Variants in SORCS2 observed in about 807,000 individuals in gnomAD.
The protein encoded by SORCS2 is VPS10 domain-containing receptor SorCS2.
A neutral mutation model predicts 141.6 loss-of-function variants in SORCS2; 100 were observed. The ratio of observed to expected loss-of-function variants is 0.71; its 90% CI spans 0.60 to 0.83. The LOEUF is 0.83. Ranked by LOEUF, SORCS2 falls within the 40% of genes least tolerant of loss-of-function variation. The probability of loss-of-function intolerance (pLI) is 0.00; values close to 1 mark genes in which losing one functional copy is unlikely to be tolerated. For synonymous variants in SORCS2, 789 were observed against 676.9 expected (o/e 1.17, Z -2.57); for missense variants, 1,646 against 1,560.2 (o/e 1.05, Z -0.93).
At chr4:7,307,225 C>A (rs1717892560) in intron 1 of SORCS2, among the ~76,000 whole-genome samples, 2 of 152,228 alleles carry the variant, frequency 1.3e-5, no homozygotes, top group South Asian at 4.1e-4. Flanking sequence ...CAGATAAAGG[C>A]ACTGCTGTGC....
chr4:7,634,679 C>T (rs757186602), intron 3 of SORCS2, among the ~76,000 whole-genome samples: 10 of 152,160 alleles, frequency 6.6e-5, no homozygotes, highest in Non-Finnish European at 1.2e-4. Context: ...ACCCCTCAAG[C>T]GCGGGCTGTG....
At chr4:7,220,179 G>A (rs1444731441) in intron 1 of SORCS2, among the ~76,000 whole-genome samples, 3 of 152,118 alleles carry the variant, frequency 2.0e-5, no homozygotes, top group Middle Eastern at 3.2e-3. Flanking sequence ...TGTGCGAGGC[G>A]GCCCTGCACT....
intron 1 of SORCS2, among the ~76,000 whole-genome samples, chr4:7,375,173 TG>T (rs925701638): frequency 1.3e-5 from 2 of 152,138 alleles, no homozygotes; most frequent in African/African-American, 4.8e-5. Flanking sequence ...CCCCATGAAG[TG>T]GAGCTCCCTA....
Position 7,624,782 on chromosome 4 carries a change from A to C in SORCS2, c.649-13546A>C, listed in dbSNP as rs550457661. 3.9e-5 allele frequency among the ~76,000 whole-genome samples: 6 copies of C among 152,398 alleles called. No homozygotes were observed. The South Asian group carries it at 1.2e-3, about 32-fold the overall frequency. ...GCCGTCTGCTGCACTCTGCCCAAGC[A>C]AACAGGCTTTTTAGCATTGTCTGCA... On this transcript the variant is annotated intron_variant, in intron 3 of 26. Coordinates refer to ENST00000507866, the MANE Select transcript of SORCS2 (RefSeq NM_020777.3).
intron 2 of SORCS2, among the ~76,000 whole-genome samples, chr4:7,402,541 C>T (rs1000848205): frequency 6.6e-6 from 1 of 152,146 alleles, no homozygotes; most frequent in East Asian, 1.9e-4. Context: ...TTTATGTATT[C>T]CCCTGCTGTG....
chr4:7,690,078 GGATA>G (rs1366968410), intron 11 of SORCS2, among the ~76,000 whole-genome samples: 1 of 141,784 alleles, frequency 7.1e-6, no homozygotes, highest in East Asian at 2.0e-4. Context: ...ATAGATGAAT[GGATA>G]GATAGATGAA....
At chr4:7,235,512 C>A (rs186577517) in intron 1 of SORCS2, among the ~76,000 whole-genome samples, 4 of 152,218 alleles carry the variant, frequency 2.6e-5, no homozygotes, top group Non-Finnish European at 4.4e-5. Flanking sequence ...CAGGTTTCTG[C>A]GACTGCAGAG....
intron 1 of SORCS2, among the ~76,000 whole-genome samples, chr4:7,276,829 G>A (rs899206643): frequency 9.2e-5 from 14 of 152,224 alleles, no homozygotes; most frequent in African/African-American, 2.9e-4. Context: ...TTCATCACGC[G>A]GCAGACCCTG....
At chr4:7,196,781 G>A (rs772745967) in intron 1 of SORCS2, among the ~76,000 whole-genome samples, 1 of 152,090 alleles carries the variant, frequency 6.6e-6, no homozygotes, top group African/African-American at 2.4e-5. Flanking sequence ...TGATGAACCC[G>A]ATATTTGTGT....
rs778803500 is a variant in SORCS2, at chr4:7,396,288, G to A, written c.481G>A (p.Val161Met). ...CTTTTACTTTCTGTTAACACCACAG[G>A]TGATCTTGATCCTGACGAAGTACTA... ...MVHWTGENSS[V>M]ILILTKYYHA... Residue 161 changes from valine (V) to methionine (M), a missense_variant and splice_region_variant, in exon 2 of 27, where the codon GTG becomes ATG. Transcript: ENST00000507866. The A allele has an allele frequency of 1.9e-6, 3 of 1,613,882 alleles. No individual in the cohort carries two copies. The highest frequency in any genetic ancestry group is 1.6e-4 in the Middle Eastern group (1 of 6,062).
intron 25 of SORCS2, among the ~76,000 whole-genome samples, chr4:7,734,623 C>T (rs1469454846): frequency 6.6e-6 from 1 of 152,184 alleles, no homozygotes; most frequent in Non-Finnish European, 1.5e-5. Context: ...TCCACTCTCC[C>T]CAGGACATCC....
chr4:7,251,382 C>T (rs556997377), intron 1 of SORCS2, among the ~76,000 whole-genome samples: 11 of 152,212 alleles, frequency 7.2e-5, no homozygotes, highest in East Asian at 3.9e-4. Flanking sequence ...ATATTCAAAA[C>T]GTGGAGAGAG....
At chr4:7,206,989 A>G (rs1299073052) in intron 1 of SORCS2, among the ~76,000 whole-genome samples, 6 of 152,148 alleles carry the variant, frequency 3.9e-5, no homozygotes, top group Admixed American at 3.9e-4. Context: ...ATGACTTTGC[A>G]GCATCACCCA....
intron 1 of SORCS2, among the ~76,000 whole-genome samples, chr4:7,275,020 G>T (rs1464839790): frequency 6.6e-6 from 1 of 152,174 alleles, no homozygotes; most frequent in Admixed American, 6.5e-5. Context: ...CACCACCTAA[G>T]CCTGACACCT....
intron 1 of SORCS2, among the ~76,000 whole-genome samples, chr4:7,308,828 T>C (rs1474652811): frequency 6.6e-6 from 1 of 152,126 alleles, no homozygotes; most frequent in Non-Finnish European, 1.5e-5. Flanking sequence ...CTGTCCTCTT[T>C]CTGCTCTTCC....
chr4:7,192,754 CCTG>C lies in SORCS2; in HGVS notation c.127_129del (p.Leu43del), dbSNP rs544508254. 440 of 974,160 alleles carry C rather than the reference CCTG, an allele frequency of 4.5e-4. No homozygotes were observed. The highest frequency in any genetic ancestry group is 1.9e-3 in the East Asian group (17 of 9,136). The allele number at this position is 974,160 out of a possible 1,614,324, so 60.3% of individuals were successfully genotyped here. A position where few individuals can be genotyped will look rare whatever the true frequency, so the allele number is the denominator to read the frequency against. Reference sequence around the variant, plus strand: ...CGCGCTCGCCGCGCTCGCGGCCGCTCCTGCTGCTGCTGCTGCTGCTGGGCGCCT... The same window carrying C: ...CGCGCTCGCCGCGCTCGCGGCCGCTCCTGCTGCTGCTGCTGCTGGGCGCCT... On this transcript the variant is annotated inframe_deletion, in exon 1 of 27. Transcript: ENST00000507866. This position sits in a 1 kb window ranked among gnomAD's most constrained non-coding sequence, Gnocchi z 4.0.
chr4:7,357,512 G>C (rs1354567891), intron 1 of SORCS2, among the ~76,000 whole-genome samples: 1 of 152,206 alleles, frequency 6.6e-6, no homozygotes, highest in Admixed American at 6.5e-5. Flanking sequence ...GTTTCCGGAG[G>C]CGTTGATTAC....
intron 14 of SORCS2, among the ~76,000 whole-genome samples, chr4:7,705,056 TG>T (rs1005879106): frequency 1.3e-5 from 2 of 152,150 alleles, no homozygotes; most frequent in African/African-American, 4.8e-5. Flanking sequence ...GGACCTTATT[TG>T]GAAATGGGGT....
At chr4:7,522,035 C>T (rs938836065) in intron 2 of SORCS2, among the ~76,000 whole-genome samples, 3 of 152,244 alleles carry the variant, frequency 2.0e-5, no homozygotes, top group Non-Finnish European at 1.5e-5. Context: ...GTTCTACACA[C>T]ACCTCTGGAA....
Sources: allele counts gnomAD v4.1 joint callset (sites outside exome capture counted in the v4.1 genomes callset), GRCh38; gene constraint gnomAD v4.1.1; non-coding constraint Gnocchi (gnomAD v3.1); transcripts MANE v1.5; gene names NCBI Gene and HGNC (gene_info 2026-07-23, HGNC 2026-07-21).